The following CEP250 variants were observed in gnomAD, a reference collection of about 807,000 sequenced individuals.
CEP250 encodes centrosomal protein 250.
In CEP250, 242 loss-of-function variants were observed where a neutral mutation model predicts 315.7. That is an observed-to-expected ratio of 0.77 (90% CI 0.69 to 0.85). CEP250 has a LOEUF of 0.85. Ranked by LOEUF, CEP250 falls within the 40% of genes least tolerant of loss-of-function variation. CEP250 has a pLI of 0.00. For missense variants in CEP250, 2,515 were observed against 2,886.4 expected (o/e 0.87, Z 2.95); for synonymous variants, 1,088 against 1,175.0 (o/e 0.93, Z 1.51).
intron 22 of CEP250, among the ~76,000 whole-genome samples, chr20:35,492,849 T>G (rs956619797): frequency 1.3e-5 from 2 of 152,132 alleles, no homozygotes; most frequent in African/African-American, 4.8e-5. Context: ...TGCCTCAGCC[T>G]CCCAAGTAGC....
At position 35,516,548 on chromosome 20, in the gene CEP250, C is replaced by T. The variant is rs1354851071; in HGVS notation, c.*4922C>T. On this transcript the variant is annotated 3_prime_UTR_variant, in exon 35 of 35. Coordinates refer to ENST00000397527, the MANE Select transcript of CEP250 (RefSeq NM_007186.6). ...GGCCATCTGAAGTTTGTCTGCCTGA[C>T]TCCATTACCTGGTGAATGAGATTGG... 1.3e-5 allele frequency: 2 copies of T among 152,238 alleles called. No individual in the cohort carries two copies. The highest frequency in any genetic ancestry group is 4.8e-5 in the African/African-American group (2 of 41,460). The allele number at this position is 152,238 out of a possible 1,614,324, so 9.4% of individuals were successfully genotyped here.
intron 20 of CEP250, among the ~76,000 whole-genome samples, chr20:35,481,469 A>G (rs2063341139): frequency 6.6e-6 from 1 of 152,150 alleles, no homozygotes; most frequent in Non-Finnish European, 1.5e-5. Context: ...TTTATAGGCT[A>G]TTTTGTTCAG....
intron 14 of CEP250, among the ~76,000 whole-genome samples, chr20:35,474,395 G>T (rs1002345006): frequency 1.3e-5 from 2 of 152,212 alleles, no homozygotes; most frequent in African/African-American, 4.8e-5. Flanking sequence ...CAAGTCCTTT[G>T]GGAGCACAGG....
At chr20:35,494,339 G>A in intron 23 of CEP250, 185 bp from the exon 24 acceptor site, 1 of 695,128 alleles carries the variant, frequency 1.4e-6, no homozygotes, top group Non-Finnish European at 2.4e-6. Context: ...CAGATGACCA[G>A]GCCGAATTGT....
At chr20:35,479,860 C>G in intron 19 of CEP250, 87 bp downstream of exon 19, 2 of 1,601,610 alleles carry the variant, frequency 1.2e-6, no homozygotes, top group Non-Finnish European at 1.7e-6. Context: ...AGAGGTCCTT[C>G]TCCAGCAGGG....
Position 35,470,030 on chromosome 20 carries a change from T to C in CEP250, c.948+44T>C, listed in dbSNP as rs750104777. On this transcript the variant is annotated intron_variant, in intron 10 of 34. Transcript: ENST00000397527. ...TGGAAAGGAGTTGGGCGTGGGCTTG[T>C]AGGTTCCTTGTGCTTTATGGACAGA... The C allele has an allele frequency of 1.2e-5, 16 of 1,324,848 alleles. No individual in the cohort carries two copies. In the South Asian group the frequency reaches 1.8e-4, roughly 15 times the overall value. 82.1% of individuals were successfully genotyped at this position (1,324,848 alleles called of 1,614,324 possible). A position where few individuals can be genotyped will look rare whatever the true frequency, so the allele number is the denominator to read the frequency against.
intron 15 of CEP250, chr20:35,476,231 T>C (rs1363972917): frequency 4.6e-6 from 2 of 439,126 alleles, no homozygotes; most frequent in Admixed American, 3.7e-5. Context: ...ATTACAATCA[T>C]AGTCATTTCT....
intron 1 of CEP250, among the ~76,000 whole-genome samples, chr20:35,457,290 A>G (rs2062651383): frequency 2.6e-5 from 4 of 152,218 alleles, no homozygotes; most frequent in Admixed American, 1.3e-4. Flanking sequence ...TTTGGTAAGT[A>G]TATTACATAA....
rs769501190 is a variant in CEP250, at chr20:35,504,232, C to G, written c.5863C>G (p.Gln1955Glu). 1.2e-6 allele frequency: 2 copies of G among 1,607,152 alleles called. No homozygotes were observed. The highest frequency in any genetic ancestry group is 1.7e-6 in the Non-Finnish European group (2 of 1,177,146). The change falls in exon 30 of 35, where the codon CAG (glutamine) becomes GAG (glutamate). Residue 1955 changes from glutamine (Q) to glutamate (E), a missense_variant. Coordinates refer to ENST00000397527, the MANE Select transcript of CEP250 (RefSeq NM_007186.6). ...LRAESQSSRH[Q>E]EEAARARAEA... Reference sequence around the variant, plus strand: ...GGCAGAAAGTCAGTCCTCCCGGCATCAGGAGGAGGCTGCCCGGGCCCGGGC... The same window carrying G: ...GGCAGAAAGTCAGTCCTCCCGGCATGAGGAGGAGGCTGCCCGGGCCCGGGC...
chr20:35,479,801 C>G lies in CEP250; in HGVS notation c.2416+28C>G, dbSNP rs747818806. 9.9e-6 allele frequency: 16 copies of G among 1,613,736 alleles called. No individual in the cohort carries two copies. The South Asian group carries it at 1.6e-4, about 17-fold the overall frequency. ...GAGAACCCAACTGGGATGGGATGCACTCCATTCCATGGAGATGTTGAAAGG... is the reference window on the plus strand; with the variant it reads ...GAGAACCCAACTGGGATGGGATGCAGTCCATTCCATGGAGATGTTGAAAGG... On this transcript the variant is annotated intron_variant, in intron 19 of 34. Coordinates refer to ENST00000397527, the MANE Select transcript of CEP250 (RefSeq NM_007186.6).
rs762750577 is a variant in CEP250 at position 35,473,980 on chromosome 20, G to C, written c.1499G>C (p.Gly500Ala). The C allele has an allele frequency of 6.2e-7, 1 of 1,608,684 alleles. No individual in the cohort carries two copies. Among genetic ancestry groups the C allele is most frequent in the South Asian group, 1.1e-5 (1 of 90,258 alleles). ...RRVNVELQLQGDSAQGQKEEQ... is the reference protein window; with the variant it reads ...RRVNVELQLQADSAQGQKEEQ... ...GTAAATGTGGAGCTTCAGCTGCAGGGGGACTCTGCCCAGGGCCAGAAGGAG... is the reference window on the plus strand; with the variant it reads ...GTAAATGTGGAGCTTCAGCTGCAGGCGGACTCTGCCCAGGGCCAGAAGGAG... The change falls in exon 14 of 35, where the codon GGG becomes GCG. Residue 500 changes from glycine (G) to alanine (A), a missense_variant. By Grantham distance (60) the Gly-to-Ala change is moderately conservative. Coordinates refer to ENST00000397527, the MANE Select transcript of CEP250 (RefSeq NM_007186.6).
intron 22 of CEP250, among the ~76,000 whole-genome samples, chr20:35,493,053 G>A (rs563485766): frequency 6.6e-6 from 1 of 151,810 alleles, no homozygotes; most frequent in South Asian, 2.1e-4. Flanking sequence ...AAAAAGCAGG[G>A]GTGGGATATG....
At chr20:35,510,926 G>A (rs542300727) in intron 34 of CEP250, among the ~76,000 whole-genome samples, 1 of 152,128 alleles carries the variant, frequency 6.6e-6, no homozygotes, top group East Asian at 1.9e-4. Flanking sequence ...ACCCGATGGG[G>A]TGGAGGTTGC....
intron 28 of CEP250, among the ~76,000 whole-genome samples, chr20:35,500,857 C>T (rs115695447): frequency 0.011 from 1,709 of 152,238 alleles, 21 homozygotes; most frequent in African/African-American, 0.039. Context: ...ATTTGATGAA[C>T]TGAAAGAAGG....
intron 11 of CEP250, 26 bp downstream of exon 11, chr20:35,472,177 T>G: frequency 7.2e-7 from 1 of 1,393,080 alleles, no homozygotes; most frequent in Non-Finnish European, 1.0e-6. Flanking sequence ...CTGTTCATGG[T>G]AACCAGGTTA....
At position 35,519,064 on chromosome 20, in the gene CEP250, A is replaced by G. The variant is rs571628670; in HGVS notation, c.*7438A>G. On this transcript the variant is annotated 3_prime_UTR_variant, in exon 35 of 35. Coordinates refer to ENST00000397527, the MANE Select transcript of CEP250 (RefSeq NM_007186.6). ...AAAAAAAATACGAAAAACAAAAAAC[A>G]TAATCTGGATTGCAGGGCTGATCGT... is the stretch of plus-strand genomic sequence containing the variant. 1 of 152,108 alleles carries G rather than the reference A, an allele frequency of 6.6e-6. No individual in the cohort carries two copies. The highest frequency in any genetic ancestry group is 1.9e-4 in the East Asian group (1 of 5,166). 9.4% of individuals were successfully genotyped at this position (152,108 alleles called of 1,614,324 possible). A position where few individuals can be genotyped will look rare whatever the true frequency, so the allele number is the denominator to read the frequency against.
Position 35,502,671 on chromosome 20 carries a change from AGAGGAGGTG to A in CEP250, c.4306_4314del (p.Glu1436_Glu1438del). The A allele has an allele frequency of 6.2e-7, 1 of 1,614,272 alleles. No individual in the cohort carries two copies. Among genetic ancestry groups the A allele is most frequent in the Non-Finnish European group, 8.5e-7 (1 of 1,180,048 alleles). On this transcript the variant is annotated inframe_deletion, in exon 30 of 35. Coordinates refer to ENST00000397527, the MANE Select transcript of CEP250 (RefSeq NM_007186.6). ...TGACCCAGACCCTAGCTGAAAGAGAAGAGGAGGTGGAGACTCTGCGGGGACAAATCCAGG... is the reference window on the plus strand; with the variant it reads ...TGACCCAGACCCTAGCTGAAAGAGAAGAGACTCTGCGGGGACAAATCCAGG...
intron 28 of CEP250, among the ~76,000 whole-genome samples, chr20:35,501,467 G>A (rs2063999868): frequency 6.6e-6 from 1 of 152,172 alleles, no homozygotes; most frequent in South Asian, 2.1e-4. Flanking sequence ...AACCAGCAGA[G>A]CCACCCGGGT....
intron 9 of CEP250, among the ~76,000 whole-genome samples, chr20:35,469,291 T>A (rs979407994): frequency 2.6e-5 from 4 of 152,056 alleles, no homozygotes; most frequent in Admixed American, 6.6e-5. Flanking sequence ...AGCAAGACCC[T>A]GTCTCAAAAA....
Sources: gnomAD v4.1 joint callset for allele counts (sites outside exome capture counted in the v4.1 genomes callset) on GRCh38, gnomAD v4.1.1 for gene constraint, MANE v1.5 for transcripts, NCBI Gene and HGNC (gene_info 2026-07-23, HGNC 2026-07-21) for gene names.